Variants in SF1 observed in about 807,000 individuals in gnomAD.
The protein encoded by SF1 is splicing factor 1.
SF1 carries 7 observed loss-of-function variants against 62.5 expected under a neutral mutation model. That is an observed-to-expected ratio of 0.11 (90% confidence interval 0.06 to 0.21). The LOEUF (loss-of-function observed/expected upper bound fraction) is 0.21, where lower values mean the gene tolerates loss of function less well. Among genes scored for constraint, SF1 ranks in the 10% least tolerant of loss-of-function variants. SF1 has a pLI of 1.00. For missense variants in SF1, 578 were observed against 884.0 expected, an observed-to-expected ratio of 0.65 and a Z score of 4.39; for synonymous variants, 394 against 323.6, an observed-to-expected ratio of 1.22 and a Z score of -2.33.
rs770572461 is a variant in SF1, at chr11:64,766,918, G to A, written c.1564C>T (p.Pro522Ser). The A allele has an allele frequency of 6.9e-7, 1 of 1,450,718 alleles. No individual in the cohort carries two copies. Among genetic ancestry groups the A allele is most frequent in the Non-Finnish European group, 9.1e-7 (1 of 1,098,584 alleles). The allele number at this position is 1,450,718 out of a possible 1,614,324, so 89.9% of individuals were successfully genotyped here. Reference sequence around the variant, plus strand: ...TACTCACTTTGCTGCCATGGCAAGGGGGTACTGGAAGCCATACTGCTGCTG... The same window carrying A: ...TACTCACTTTGCTGCCATGGCAAGGAGGTACTGGAAGCCATACTGCTGCTG... ...PPSSSMASSTPLPWQQNTTTT... is the reference protein window; with the variant it reads ...PPSSSMASSTSLPWQQNTTTT... Residue 522 changes from proline (P) to serine (S), a missense_variant, in exon 12 of 13, where the codon CCC becomes TCC. By Grantham distance (74) the Pro-to-Ser change is moderately conservative. Around this residue, in one of 7 missense-constraint regions of SF1, gnomAD observed 410 missense variants for 452.4 expected, o/e 0.91. Transcript: ENST00000377390.
chr11:64,772,061 C>G (rs1938407237), intron 3 of SF1: 2 of 985,296 alleles, frequency 2.0e-6, no homozygotes, highest in East Asian at 1.1e-4. Flanking sequence ...GAAGGCCTCA[C>G]AACAGTTTAA....
At chr11:64,767,436 G>A in intron 10 of SF1, 135 bp downstream of exon 10, 1 of 1,104,386 alleles carries the variant, frequency 9.1e-7, no homozygotes, top group South Asian at 1.5e-5. Context: ...TCCTTCCAGA[G>A]CCACAACCCT....
In SF1 at chr11:64,765,697, A is replaced by G; in HGVS notation, c.*121T>C. On this transcript the variant is annotated 3_prime_UTR_variant, in exon 13 of 13. Transcript: ENST00000377390. ...CAGCCCAGTGCGTGCACACACACAC[A>G]TGCGTGCACACACAATCACATGCGT... 2 of 1,460,882 alleles carry G rather than the reference A, an allele frequency of 1.4e-6. No homozygotes were observed. The highest frequency in any genetic ancestry group is 1.8e-6 in the Non-Finnish European group (2 of 1,108,374). 90.5% of individuals were successfully genotyped at this position (1,460,882 alleles called of 1,614,324 possible).
In SF1 at chr11:64,769,627, A is replaced by C. The variant is rs1937960234; in HGVS notation, c.480-18T>G. ...TGTTCCCTCTAGAGAGGCAGAAATG[A>C]CTAAGTTTATACCTGACAAATTCAC... is the stretch of plus-strand genomic sequence containing the variant. On this transcript the variant is annotated intron_variant, in intron 5 of 12. Transcript: ENST00000377390. The C allele has an allele frequency of 1.2e-6, 2 of 1,607,684 alleles. No individual in the cohort carries two copies.
chr11:64,768,571 T>C (rs1937742905), intron 8 of SF1, among the ~76,000 whole-genome samples: 1 of 152,202 alleles, frequency 6.6e-6, no homozygotes, highest in Non-Finnish European at 1.5e-5. Flanking sequence ...GTCAATTTCA[T>C]CAAACTTCAT....
intron 1 of SF1, chr11:64,778,120 G>A (rs1939681998): frequency 8.2e-6 from 7 of 852,622 alleles, no homozygotes; most frequent in African/African-American, 3.7e-5. Flanking sequence ...AGGCGCCGGG[G>A]GACGGTGGCG....
intron 12 of SF1, 37 bp downstream of exon 12, chr11:64,766,861 ATC>A: frequency 6.3e-6 from 1 of 158,978 alleles, no homozygotes. Context: ...CCCCACCCCC[ATC>A]CCACCCACCC....
At chr11:64,773,176 A>G in intron 3 of SF1, 1 of 1,321,836 alleles carries the variant, frequency 7.6e-7, no homozygotes, top group South Asian at 1.7e-5. Flanking sequence ...TAAGATCTAC[A>G]TGCTTACCAA....
intron 12 of SF1, 38 bp downstream of exon 12, chr11:64,766,862 T>G: frequency 5.2e-5 from 13 of 248,338 alleles, no homozygotes; most frequent in Non-Finnish European, 1.0e-4. Flanking sequence ...CCCACCCCCA[T>G]CCCACCCACC....
chr11:64,768,690 G>A (rs1335274500), intron 8 of SF1, among the ~76,000 whole-genome samples: 1 of 152,194 alleles, frequency 6.6e-6, no homozygotes, highest in Non-Finnish European at 1.5e-5. Context: ...TGTTGATATC[G>A]AGTGCTGACT....
Position 64,765,588 on chromosome 11 carries a change from G to A in SF1, c.*230C>T, listed in dbSNP as rs915590716. On this transcript the variant is annotated 3_prime_UTR_variant, in exon 13 of 13. Transcript: ENST00000377390. ...GAGAAAGAAGACAAAGAAGACACTC[G>A]ATGCTACGGGGCGCCAGGAGAGCCC... 1 of 1,528,884 alleles carries A rather than the reference G, an allele frequency of 6.5e-7. No homozygotes were observed. The highest frequency in any genetic ancestry group is 8.7e-7 in the Non-Finnish European group (1 of 1,144,436). 94.7% of individuals were successfully genotyped at this position (1,528,884 alleles called of 1,614,324 possible).
rs999283110 is a variant in SF1 at position 64,766,069 on chromosome 11, C to A, written c.1669G>T (p.Ala557Ser). Reference protein sequence around the residue: ...QQAAAAASPGAPQMQGNPTMV... With the variant: ...QQAAAAASPGSPQMQGNPTMV... ...GTGGGGTTGCCTTGCATCTGAGGGG[C>A]TCCTGGAGAAGCTGCGGCAGCCGCC... The change falls in exon 13 of 13, where the codon GCC becomes TCC. Residue 557 changes from alanine to serine, a missense_variant. Transcript: ENST00000377390. The A allele has an allele frequency of 1.2e-6, 2 of 1,611,924 alleles. No homozygotes were observed. The highest frequency in any genetic ancestry group is 1.7e-6 in the Non-Finnish European group (2 of 1,179,656).
chr11:64,765,688 C>A lies in SF1; in HGVS notation c.*130G>T. The A allele has an allele frequency of 6.8e-7, 1 of 1,467,806 alleles. No individual in the cohort carries two copies. The highest frequency in any genetic ancestry group is 2.4e-5 in the East Asian group (1 of 40,922). 90.9% of individuals were successfully genotyped at this position (1,467,806 alleles called of 1,614,324 possible). ...CGCTTGGCCCAGCCCAGTGCGTGCA[C>A]ACACACACATGCGTGCACACACAAT... is the stretch of plus-strand genomic sequence containing the variant. On this transcript the variant is annotated 3_prime_UTR_variant, in exon 13 of 13. Coordinates refer to ENST00000377390, the MANE Select transcript of SF1 (RefSeq NM_004630.4).
chr11:64,769,159 G>A (rs765724123), intron 7 of SF1, 30 bp from the exon 8 acceptor site: 1 of 1,609,762 alleles, frequency 6.2e-7, no homozygotes. Context: ...TCAATGCAAG[G>A]GAACAATCTC....
At position 64,765,950 on chromosome 11, in the gene SF1, C is replaced by A. The variant is rs756959179; in HGVS notation, c.1788G>T (p.Met596Ile). Reference protein sequence around the residue: ...PPPPPGSAGMMYAPPPPPPPP... With the variant: ...PPPPPGSAGMIYAPPPPPPPP... ...GCGGAGGAGGAGGGGGCGGGGCATA[C>A]ATCATGCCGGCGGAACCAGGCGGTG... The change falls in exon 13 of 13, where the codon ATG (methionine) becomes ATT (isoleucine). Residue 596 changes from methionine to isoleucine, a missense_variant. Around this residue, in one of 7 missense-constraint regions of SF1, gnomAD observed 410 missense variants for 452.4 expected, o/e 0.91. Coordinates refer to ENST00000377390, the MANE Select transcript of SF1 (RefSeq NM_004630.4). The A allele has an allele frequency of 3.2e-6, 5 of 1,576,354 alleles. No homozygotes were observed. The highest frequency in any genetic ancestry group is 4.3e-6 in the Non-Finnish European group (5 of 1,161,400).
At chr11:64,767,375 T>G (rs1198733487) in intron 10 of SF1, 124 bp from the exon 11 acceptor site, 1 of 1,113,956 alleles carries the variant, frequency 9.0e-7, no homozygotes. Context: ...AAAAGGCAGG[T>G]CTGTGCTTAC....
At position 64,766,920 on chromosome 11, in the gene SF1, G is replaced by A; in HGVS notation, c.1562C>T (p.Thr521Ile). The A allele has an allele frequency of 6.9e-7, 1 of 1,458,170 alleles. No homozygotes were observed. Among genetic ancestry groups the A allele is most frequent in the African/African-American group, 1.4e-5 (1 of 70,352 alleles). The allele number at this position is 1,458,170 out of a possible 1,614,324, so 90.3% of individuals were successfully genotyped here. ...PPPSSSMASS[T>I]PLPWQQNTTT... The stretch of plus-strand genomic sequence containing the variant: ...CTCACTTTGCTGCCATGGCAAGGGG[G>A]TACTGGAAGCCATACTGCTGCTGGG... The change falls in exon 12 of 13, where the codon ACC becomes ATC. Residue 521 changes from threonine (T) to isoleucine (I), a missense_variant. By Grantham distance (89) the Thr-to-Ile change is moderately conservative. This residue lies in a region of SF1 where 410 missense variants were observed against 452.4 expected (regional missense o/e 0.91). Coordinates refer to ENST00000377390, the MANE Select transcript of SF1 (RefSeq NM_004630.4).
At position 64,765,275 on chromosome 11, in the gene SF1, G is replaced by A. The variant is rs1012500467; in HGVS notation, c.*543C>T. Reference sequence around the variant, plus strand: ...AGAAGACCGGGGAGAGCATCTCCTTGGACGGAGTCTGAAGAAAGGAAAAGA... The same window carrying A: ...AGAAGACCGGGGAGAGCATCTCCTTAGACGGAGTCTGAAGAAAGGAAAAGA... On this transcript the variant is annotated 3_prime_UTR_variant, in exon 13 of 13. Transcript: ENST00000377390. The A allele has an allele frequency of 5.2e-6, 3 of 578,328 alleles. No homozygotes were observed. The highest frequency in any genetic ancestry group is 9.4e-6 in the Non-Finnish European group (3 of 319,806). The allele number at this position is 578,328 out of a possible 1,614,324, so 35.8% of individuals were successfully genotyped here.
chr11:64,766,229 T>C (rs1164833845), intron 12 of SF1, 74 bp from the exon 13 acceptor site: 26 of 851,922 alleles, frequency 3.1e-5, no homozygotes, highest in South Asian at 3.4e-5. Flanking sequence ...TGCCTTGGGA[T>C]GGGGGCGAGG....
Sources: gnomAD v4.1 joint callset for allele counts (sites outside exome capture counted in the v4.1 genomes callset) on GRCh38, gnomAD v4.1.1 for gene constraint, gnomAD v4.1.1 regional missense constraint, MANE v1.5 for transcripts, NCBI Gene and HGNC (gene_info 2026-07-23, HGNC 2026-07-21) for gene names.